The following ATP10A variants were observed in gnomAD, a reference collection of about 807,000 sequenced individuals.
ATP10A encodes the protein ATPase phospholipid transporting 10A (putative).
A neutral mutation model predicts 147.8 loss-of-function variants in ATP10A; 111 were observed. The observed-to-expected ratio is 0.75, with a 90% CI of 0.64 to 0.88. ATP10A has a LOEUF of 0.88. Ranked by LOEUF, ATP10A falls within the 40% of genes least tolerant of loss-of-function variation. ATP10A has a pLI of 0.00. For missense variants in ATP10A, 1,927 were observed against 1,959.0 expected (o/e 0.98, Z 0.31); for synonymous variants, 875 against 841.6 (o/e 1.04, Z -0.69).
intron 17 of ATP10A, among the ~76,000 whole-genome samples, chr15:25,681,455 A>G (rs149958541): frequency 1.3e-5 from 2 of 152,314 alleles, no homozygotes; most frequent in African/African-American, 4.8e-5. Flanking sequence ...AGCTTACTAC[A>G]GCACACACAT....
intron 1 of ATP10A, among the ~76,000 whole-genome samples, chr15:25,829,323 C>T (rs906263259): frequency 2.7e-4 from 41 of 152,066 alleles, no homozygotes; most frequent in Non-Finnish European, 7.4e-5. Context: ...AGCTTTGCAT[C>T]CATTTCCCCT....
At chr15:25,698,191 T>C (rs1173701003) in intron 13 of ATP10A, among the ~76,000 whole-genome samples, 1 of 152,198 alleles carries the variant, frequency 6.6e-6, no homozygotes, top group Non-Finnish European at 1.5e-5. Flanking sequence ...ATAAATGTAC[T>C]AGGCTAATGT....
intron 1 of ATP10A, among the ~76,000 whole-genome samples, chr15:25,856,285 T>C (rs1282571181): frequency 1.3e-5 from 2 of 152,166 alleles, no homozygotes. Context: ...CTGATGGTTT[T>C]ACAAGCGTCT....
intron 4 of ATP10A, among the ~76,000 whole-genome samples, 168 bp from the exon 5 acceptor site, chr15:25,726,250 T>C (rs150634037): frequency 1.3e-5 from 2 of 152,316 alleles, no homozygotes; most frequent in East Asian, 3.9e-4. Context: ...TGAACAGGTC[T>C]GAAAATAAAT....
chr15:25,725,935 C>T lies in ATP10A; in HGVS notation c.979+16G>A. On this transcript the variant is annotated intron_variant, in intron 5 of 20. Transcript: ENST00000555815. Reference sequence around the variant, plus strand: ...GCCTGGCCCCCACTCATTTCCGATCCATCTAGGAGACTTACCGACTGCTGA... The same window carrying T: ...GCCTGGCCCCCACTCATTTCCGATCTATCTAGGAGACTTACCGACTGCTGA... 2 of 1,600,342 alleles carry T rather than the reference C, an allele frequency of 1.2e-6. No homozygotes were observed. Among genetic ancestry groups the T allele is most frequent in the South Asian group, 2.2e-5 (2 of 89,952 alleles).
At chr15:25,750,702 TATATGATG>T (rs907151548) in intron 2 of ATP10A, among the ~76,000 whole-genome samples, 37 of 69,480 alleles carry the variant, frequency 5.3e-4, no homozygotes, top group African/African-American at 2.2e-3. Flanking sequence ...ACAACATATA[TATATGATG>T]ATGATGATGA....
At chr15:25,777,849 C>A (rs1177797675) in intron 2 of ATP10A, among the ~76,000 whole-genome samples, 2 of 146,744 alleles carry the variant, frequency 1.4e-5, no homozygotes, top group African/African-American at 5.1e-5. Context: ...TGGCCTCAAA[C>A]AATCCTCCTG....
chr15:25,851,096 G>C (rs1893277453), intron 1 of ATP10A, among the ~76,000 whole-genome samples: 1 of 152,002 alleles, frequency 6.6e-6, no homozygotes. Context: ...TGTCAAGTCT[G>C]GCCTGGCCCA....
chr15:25,709,173 A>G (rs1475638979), intron 10 of ATP10A: 1 of 152,216 alleles, frequency 6.6e-6, no homozygotes, highest in Non-Finnish European at 1.5e-5. Flanking sequence ...TACACAGCAT[A>G]TCTATGTTAT....
intron 1 of ATP10A, among the ~76,000 whole-genome samples, chr15:25,854,777 G>A (rs1328745483): frequency 6.6e-6 from 1 of 152,146 alleles, no homozygotes; most frequent in African/African-American, 2.4e-5. Flanking sequence ...AAGAAAACAG[G>A]CCGGGCGCAG....
upstream of ATP10A, chr15:25,863,721 A>G (rs1369403279): frequency 1.3e-5 from 2 of 152,236 alleles, no homozygotes; most frequent in South Asian, 2.1e-4. Flanking sequence ...CAAAGGATCC[A>G]TGGCATCCAG....
At chr15:25,856,859 G>GA (rs1462669654) in intron 1 of ATP10A, among the ~76,000 whole-genome samples, 2 of 151,488 alleles carry the variant, frequency 1.3e-5, no homozygotes, top group South Asian at 2.1e-4. Flanking sequence ...AATTACAATA[G>GA]AAAAAAAACA....
intron 12 of ATP10A, among the ~76,000 whole-genome samples, chr15:25,706,696 G>A (rs913893706): frequency 6.6e-6 from 1 of 152,182 alleles, no homozygotes; most frequent in Non-Finnish European, 1.5e-5. Context: ...TACTCCAGGG[G>A]GCGGAACCAG....
At chr15:25,798,969 C>T (rs1274308554) in intron 1 of ATP10A, among the ~76,000 whole-genome samples, 2 of 152,226 alleles carry the variant, frequency 1.3e-5, no homozygotes, top group Admixed American at 6.5e-5. Flanking sequence ...CCTCATGTAA[C>T]GGAGGCTATG....
chr15:25,698,190 C>A (rs1165795613), intron 13 of ATP10A, among the ~76,000 whole-genome samples: 1 of 152,114 alleles, frequency 6.6e-6, no homozygotes, highest in African/African-American at 2.4e-5. Context: ...GATAAATGTA[C>A]TAGGCTAATG....
chr15:25,823,575 C>G (rs1891980530), intron 1 of ATP10A, among the ~76,000 whole-genome samples: 1 of 152,100 alleles, frequency 6.6e-6, no homozygotes, highest in South Asian at 2.1e-4. Flanking sequence ...GTGACTGGAC[C>G]AAATTGTTTC....
At chr15:25,859,920 G>A (rs1340768662) in intron 1 of ATP10A, among the ~76,000 whole-genome samples, 1 of 152,144 alleles carries the variant, frequency 6.6e-6, no homozygotes, top group East Asian at 1.9e-4. Flanking sequence ...CATACTCTGC[G>A]TGAACAATGT....
chr15:25,740,922 C>G (rs149910501), intron 2 of ATP10A, among the ~76,000 whole-genome samples: 1 of 152,246 alleles, frequency 6.6e-6, no homozygotes, highest in Admixed American at 6.5e-5. Flanking sequence ...ATTCCTGCCA[C>G]GCAGGGAACC....
At chr15:25,731,603 C>T (rs1018857255) in intron 3 of ATP10A, among the ~76,000 whole-genome samples, 10 of 152,106 alleles carry the variant, frequency 6.6e-5, no homozygotes, top group Non-Finnish European at 1.3e-4. Flanking sequence ...TCCCAGGAGG[C>T]CTCTCTGGGA....
Sources: allele counts gnomAD v4.1 joint callset (sites outside exome capture counted in the v4.1 genomes callset), GRCh38; gene constraint gnomAD v4.1.1; transcripts MANE v1.5; gene names NCBI Gene and HGNC (gene_info 2026-07-23, HGNC 2026-07-21).